The following SHB variants were observed in gnomAD, a reference collection of about 807,000 sequenced individuals.
The protein encoded by SHB is SH2 domain containing adaptor protein B.
In SHB, 20 loss-of-function variants were observed where a neutral mutation model predicts 52.3. The ratio of observed to expected loss-of-function variants is 0.38; its 90% CI spans 0.27 to 0.56. SHB has a LOEUF of 0.56. SHB is among the 20% of genes least tolerant of loss of function. The pLI is 0.71. For missense variants in SHB, 825 were observed against 723.3 expected, an observed-to-expected ratio of 1.14 and a Z score of -1.61; for synonymous variants, 397 against 316.5, an observed-to-expected ratio of 1.25 and a Z score of -2.70.
chr9:38,042,780 C>G (rs1821599882), intron 1 of SHB, among the ~76,000 whole-genome samples: 1 of 152,162 alleles, frequency 6.6e-6, no homozygotes, highest in Admixed American at 6.5e-5. Context: ...GGCCCAGCCT[C>G]GAAGTCGAAT....
rs1832102536 is a variant in SHB at position 37,916,612 on chromosome 9, G to T, written c.*3209C>A. On this transcript the variant is annotated 3_prime_UTR_variant, in exon 6 of 6. Coordinates refer to ENST00000377707, the MANE Select transcript of SHB (RefSeq NM_003028.3). Reference sequence around the variant, plus strand: ...AGGGGCCCCGGCCCACAGCCGCCCTGTGAGGACAGGGCCTGCCTCCTGAAG... The same window carrying T: ...AGGGGCCCCGGCCCACAGCCGCCCTTTGAGGACAGGGCCTGCCTCCTGAAG... Among the ~76,000 whole-genome samples the T allele has an allele frequency of 6.6e-6, 1 of 152,258 alleles. No individual in the cohort carries two copies. Among genetic ancestry groups the T allele is most frequent in the Admixed American group, 6.5e-5 (1 of 15,292 alleles).
chr9:37,938,976 T>A (rs576255249), intron 5 of SHB, among the ~76,000 whole-genome samples: 1 of 152,314 alleles, frequency 6.6e-6, no homozygotes, highest in Admixed American at 6.5e-5. Context: ...AGAGCCACTA[T>A]CCACCCAGCT....
intron 4 of SHB, among the ~76,000 whole-genome samples, chr9:37,950,519 A>G (rs1364295887): frequency 2.6e-5 from 4 of 152,178 alleles, no homozygotes; most frequent in Non-Finnish European, 5.9e-5. Flanking sequence ...CACTCAAAAT[A>G]CATTCCTGTT....
At chr9:38,055,392 C>A (rs1821800488) in intron 1 of SHB, among the ~76,000 whole-genome samples, 2 of 152,172 alleles carry the variant, frequency 1.3e-5, no homozygotes, top group South Asian at 4.1e-4. Flanking sequence ...AAAAAAATCT[C>A]TCACTGATTG....
intron 2 of SHB, chr9:38,015,489 T>C (rs1821198342): frequency 2.8e-6 from 2 of 702,326 alleles, no homozygotes; most frequent in African/African-American, 3.5e-5. Context: ...ACCTGTCATG[T>C]AGACCAGGGT....
intron 1 of SHB, among the ~76,000 whole-genome samples, chr9:38,016,593 C>G (rs978148040): frequency 6.6e-6 from 1 of 152,198 alleles, no homozygotes; most frequent in Non-Finnish European, 1.5e-5. Flanking sequence ...AGATAATTAG[C>G]TCGGCGTTCC....
intron 5 of SHB, among the ~76,000 whole-genome samples, chr9:37,925,846 T>C (rs1296513148): frequency 2.0e-5 from 3 of 152,234 alleles, no homozygotes; most frequent in African/African-American, 7.2e-5. Context: ...AATGAGCTTG[T>C]GCATTTAAAG....
chr9:37,927,235 C>T (rs770780623), intron 5 of SHB, among the ~76,000 whole-genome samples: 2 of 152,200 alleles, frequency 1.3e-5, no homozygotes, highest in Non-Finnish European at 2.9e-5. Context: ...ATAGTCAAGG[C>T]AGCTGGGATA....
rs72726044 is a variant in SHB at position 38,046,256 on chromosome 9, T to C, written c.717+21673A>G. On this transcript the variant is annotated intron_variant, in intron 1 of 5. Coordinates refer to ENST00000377707, the MANE Select transcript of SHB (RefSeq NM_003028.3). ...AAGCTTCACTTCTGTAAGTAAAGCA[T>C]TGCTGAACGTGGCCAGGCCTGCTCA... 1.9e-3 allele frequency among the ~76,000 whole-genome samples: 287 copies of C among 152,334 alleles called. 2 individuals carry two copies. Among genetic ancestry groups the C allele is most frequent in the Middle Eastern group, 0.014 (4 of 294 alleles).
intron 2 of SHB, among the ~76,000 whole-genome samples, chr9:38,012,572 GCCAGTTAGCAGC>G (rs1164689006): frequency 7.2e-5 from 11 of 152,120 alleles, no homozygotes; most frequent in Admixed American, 7.2e-4. Flanking sequence ...TCGTCGCACA[GCCAGTTAGCAGC>G]CCAAAGCGGC....
At chr9:38,021,987 CCT>C (rs1821287469) in intron 1 of SHB, among the ~76,000 whole-genome samples, 1 of 152,338 alleles carries the variant, frequency 6.6e-6, no homozygotes, top group African/African-American at 2.4e-5. Flanking sequence ...CCACAAGGCC[CCT>C]GATTCTTGCC....
rs138975418 is a variant in SHB, at chr9:37,922,763, C to T, written c.1347-2759G>A. 1.8e-4 allele frequency among the ~76,000 whole-genome samples: 28 copies of T among 152,296 alleles called. 2 individuals carry two copies. In the East Asian group the frequency reaches 5.0e-3, roughly 27 times the overall value. On this transcript the variant is annotated intron_variant, in intron 5 of 5. Coordinates refer to ENST00000377707, the MANE Select transcript of SHB (RefSeq NM_003028.3). ...CCTCCTGGGCTCAAGCACTGCACCC[C>T]GTGGGTTCCCTGGCCCTCAGGCTAT...
intron 4 of SHB, among the ~76,000 whole-genome samples, chr9:37,951,113 A>G (rs555818427): frequency 3.9e-5 from 6 of 152,166 alleles, no homozygotes; most frequent in East Asian, 1.9e-4. Flanking sequence ...AAACCCTAAG[A>G]AAAAAAATCA....
At chr9:38,012,086 A>T (rs1359158681) in intron 2 of SHB, among the ~76,000 whole-genome samples, 1 of 152,154 alleles carries the variant, frequency 6.6e-6, no homozygotes, top group Non-Finnish European at 1.5e-5. Flanking sequence ...TGGGAGAAAC[A>T]GGCACACTTC....
intron 2 of SHB, among the ~76,000 whole-genome samples, chr9:37,989,362 A>C (rs572687933): frequency 6.6e-6 from 1 of 152,204 alleles, no homozygotes. Context: ...CAGTTCCCTA[A>C]GAGGACCTGC....
chr9:37,934,329 G>T (rs1337408565), intron 5 of SHB, among the ~76,000 whole-genome samples: 2 of 152,180 alleles, frequency 1.3e-5, no homozygotes, highest in Non-Finnish European at 2.9e-5. Flanking sequence ...TGGGGGTCTT[G>T]CTTTGTTGTC....
chr9:38,068,438 G>A lies in SHB; in HGVS notation c.208C>T (p.Leu70=), dbSNP rs756955919. The A allele has an allele frequency of 1.3e-6, 2 of 1,551,018 alleles. No homozygotes were observed. The highest frequency in any genetic ancestry group is 2.5e-5 in the East Asian group (1 of 39,544). The part of the protein sequence containing the change: ...ASCFSASSGS[L]PDDSGSTSDL... ...CTGGTGCTGCCGCTGTCGTCGGGCAGCGAGCCCGAAGAGGCTGAGAAGCAG... is the reference window on the plus strand; with the variant it reads ...CTGGTGCTGCCGCTGTCGTCGGGCAACGAGCCCGAAGAGGCTGAGAAGCAG... The change falls in exon 1 of 6, where the codon CTG becomes TTG. Residue 70 remains leucine, a synonymous_variant. Transcript: ENST00000377707.
chr9:38,055,269 T>C (rs906446545), intron 1 of SHB, among the ~76,000 whole-genome samples: 1 of 152,156 alleles, frequency 6.6e-6, no homozygotes, highest in Non-Finnish European at 1.5e-5. Context: ...GACTTAATCT[T>C]TTCCTTTAAT....
At position 37,916,115 on chromosome 9, in the gene SHB, G is replaced by A. The variant is rs1284941790; in HGVS notation, c.*3706C>T. On this transcript the variant is annotated 3_prime_UTR_variant, in exon 6 of 6. Coordinates refer to ENST00000377707, the MANE Select transcript of SHB (RefSeq NM_003028.3). ...GGCTTGCCCTCCTGCAAGCGCGCCT[G>A]TGAACAAGTCCCCGTGGGGTTCTGG... is the stretch of plus-strand genomic sequence containing the variant. Among the ~76,000 whole-genome samples the A allele has an allele frequency of 6.6e-6, 1 of 152,242 alleles. No individual in the cohort carries two copies. The highest frequency in any genetic ancestry group is 1.5e-5 in the Non-Finnish European group (1 of 68,042).
Sources: gnomAD v4.1 joint callset for allele counts (sites outside exome capture counted in the v4.1 genomes callset) on GRCh38, gnomAD v4.1.1 for gene constraint, MANE v1.5 for transcripts, NCBI Gene and HGNC (gene_info 2026-07-23, HGNC 2026-07-21) for gene names.